Variants in CNNM2 observed in about 807,000 individuals in gnomAD.
CNNM2 encodes metal transporter CNNM2.
CNNM2 carries 12 observed loss-of-function variants against 66.9 expected under a neutral mutation model. The observed-to-expected ratio is 0.18, with a 90% CI of 0.11 to 0.29. The LOEUF (loss-of-function observed/expected upper bound fraction) is 0.29. CNNM2 is among the 10% of genes least tolerant of loss of function. CNNM2 has a pLI of 1.00. For synonymous variants in CNNM2, 557 were observed against 501.8 expected (o/e 1.11, Z -1.47); for missense variants, 705 against 1,167.7 (o/e 0.60, Z 5.77).
At chr10:103,060,111 T>C (rs2065359089) in intron 4 of CNNM2, among the ~76,000 whole-genome samples, 2 of 152,318 alleles carry the variant, frequency 1.3e-5, no homozygotes, top group South Asian at 4.1e-4. Context: ...TACTCCAGCC[T>C]GGGCGACAGA....
At position 102,927,483 on chromosome 10, in the gene CNNM2, G is replaced by A. The variant is rs1371726904; in HGVS notation, c.1621+7382G>A. The A allele has an allele frequency of 3.2e-6, 5 of 1,585,434 alleles. No individual in the cohort carries two copies. In the African/African-American group the frequency reaches 4.0e-5, roughly 13 times the overall value. On this transcript the variant is annotated intron_variant, in intron 1 of 7. Coordinates refer to ENST00000369878, the MANE Select transcript of CNNM2 (RefSeq NM_017649.5). Reference sequence around the variant, plus strand: ...GATAAAAAGGGGTGGCAGTTGGCTGGGCGTGGTGGCTCATGCCTGTAATCC... The same window carrying A: ...GATAAAAAGGGGTGGCAGTTGGCTGAGCGTGGTGGCTCATGCCTGTAATCC...
At chr10:103,013,896 T>C (rs1476354295) in intron 1 of CNNM2, among the ~76,000 whole-genome samples, 1 of 152,204 alleles carries the variant, frequency 6.6e-6, no homozygotes, top group African/African-American at 2.4e-5. Flanking sequence ...CTGTATTAAA[T>C]CTGTGTAATT....
At chr10:103,044,361 G>A (rs1224200535) in intron 1 of CNNM2, among the ~76,000 whole-genome samples, 1 of 152,042 alleles carries the variant, frequency 6.6e-6, no homozygotes, top group Non-Finnish European at 1.5e-5. Flanking sequence ...TTCCAGACCA[G>A]CCTGAGCAAT....
intron 1 of CNNM2, among the ~76,000 whole-genome samples, chr10:102,995,471 C>T (rs540018148): frequency 1.3e-5 from 2 of 151,784 alleles, no homozygotes; most frequent in Non-Finnish European, 2.9e-5. Flanking sequence ...CCTTGGCCTC[C>T]CAACGTGCTG....
rs1396009629 is a variant in CNNM2, at chr10:103,079,458, T to G, written c.*2278T>G. 6.6e-6 allele frequency: 1 copy of G among 152,268 alleles called. No homozygotes were observed. The highest frequency in any genetic ancestry group is 1.5e-5 in the Non-Finnish European group (1 of 68,078). The allele number at this position is 152,268 out of a possible 1,614,324, so 9.4% of individuals were successfully genotyped here. On this transcript the variant is annotated 3_prime_UTR_variant, in exon 8 of 8. Transcript: ENST00000369878. ...GATGCCTTGCTACTGGGAGAGCCTCTGGAATCAGAGCTAGTGTGTTGGTGC... is the reference window on the plus strand; with the variant it reads ...GATGCCTTGCTACTGGGAGAGCCTCGGGAATCAGAGCTAGTGTGTTGGTGC...
In CNNM2 at chr10:102,918,522, G is replaced by C; in HGVS notation, c.42G>C (p.Ala14=). The part of the protein sequence containing the change: ...CGACEPKVKM[A]GGQAAAALPT... ...CTTGTGAACCCAAAGTAAAGATGGC[G>C]GGCGGGCAGGCAGCCGCCGCACTGC... Residue 14 remains alanine, a synonymous_variant, in exon 1 of 8, where the codon GCG becomes GCC. Transcript: ENST00000369878. This position sits in a 1 kb window ranked among gnomAD's most constrained non-coding sequence, Gnocchi z 4.1. 4 of 1,605,008 alleles carry C rather than the reference G, an allele frequency of 2.5e-6. No homozygotes were observed. In the East Asian group the frequency reaches 9.1e-5, roughly 36 times the overall value.
At chr10:102,944,581 CGTGTGTGTGTGTGT>C (rs148795286) in intron 1 of CNNM2, among the ~76,000 whole-genome samples, 13 of 143,486 alleles carry the variant, frequency 9.1e-5, no homozygotes, top group Middle Eastern at 7.0e-3. Flanking sequence ...TGTATCTTTT[CGTGTGTGTGTGTGT>C]GTGTGTGTGT....
chr10:102,945,712 C>T (rs1846593793), intron 1 of CNNM2, among the ~76,000 whole-genome samples: 1 of 152,134 alleles, frequency 6.6e-6, no homozygotes, highest in Non-Finnish European at 1.5e-5. Flanking sequence ...GCTAGTTGCT[C>T]AGAGGAGGCC....
At position 103,032,604 on chromosome 10, in the gene CNNM2, T is replaced by C. The variant is rs540292972; in HGVS notation, c.1622-17103T>C. On this transcript the variant is annotated intron_variant, in intron 1 of 7. Coordinates refer to ENST00000369878, the MANE Select transcript of CNNM2 (RefSeq NM_017649.5). ...ACAATGAATACAAATGGGAACATAC[T>C]ATAATATTCTACATGACTTTTTTTT... is the stretch of plus-strand genomic sequence containing the variant. Among the ~76,000 whole-genome samples the C allele has an allele frequency of 8.6e-5, 13 of 151,858 alleles. No individual in the cohort carries two copies. The East Asian group carries it at 2.3e-3, about 27-fold the overall frequency.
intron 1 of CNNM2, among the ~76,000 whole-genome samples, chr10:103,034,958 G>C (rs1002505459): frequency 2.2e-4 from 19 of 86,960 alleles, no homozygotes; most frequent in Non-Finnish European, 4.9e-4. Context: ...GGGCGACAGA[G>C]CGAGACTCCG....
At chr10:103,048,886 T>A (rs578230051) in intron 1 of CNNM2, among the ~76,000 whole-genome samples, 1 of 152,244 alleles carries the variant, frequency 6.6e-6, no homozygotes, top group South Asian at 2.1e-4. Context: ...GACAGTGTCT[T>A]ACTCTGTCGC....
At chr10:103,072,484 C>T (rs542323697) in intron 6 of CNNM2, among the ~76,000 whole-genome samples, 6 of 149,094 alleles carry the variant, frequency 4.0e-5, no homozygotes, top group East Asian at 4.0e-4. Context: ...CGCTTCTCCC[C>T]GCCACCAGGC....
chr10:103,029,300 TAAAAAAA>T (rs756251100), intron 1 of CNNM2, among the ~76,000 whole-genome samples: 1 of 122,318 alleles, frequency 8.2e-6, no homozygotes, highest in African/African-American at 3.0e-5. Context: ...CATCTCTACT[TAAAAAAA>T]AAAAAAAAAA....
intron 1 of CNNM2, among the ~76,000 whole-genome samples, chr10:102,983,718 G>GT (rs2063753101): frequency 1.3e-5 from 2 of 151,844 alleles, no homozygotes; most frequent in African/African-American, 4.8e-5. Context: ...TGGGATTACA[G>GT]GCATGAGCCA....
chr10:103,016,602 C>T (rs1441661512), intron 1 of CNNM2, among the ~76,000 whole-genome samples: 2 of 152,172 alleles, frequency 1.3e-5, no homozygotes, highest in Non-Finnish European at 2.9e-5. Flanking sequence ...TATATGCTGC[C>T]ATGCCAAGCG....
intron 1 of CNNM2, among the ~76,000 whole-genome samples, chr10:103,037,594 T>C (rs561230203): frequency 1.3e-5 from 2 of 152,140 alleles, no homozygotes. Context: ...TAATGATGAC[T>C]TAGAGAAGAT....
chr10:103,068,781 T>A, intron 5 of CNNM2, 59 bp downstream of exon 5: 2 of 1,320,322 alleles, frequency 1.5e-6, no homozygotes, highest in South Asian at 2.7e-5. Flanking sequence ...AAGGCCCCTC[T>A]CCTTTCATCT....
chr10:102,984,479 T>C (rs965879935), intron 1 of CNNM2, among the ~76,000 whole-genome samples: 1 of 152,194 alleles, frequency 6.6e-6, no homozygotes, highest in African/African-American at 2.4e-5. Context: ...GGAATTTTAA[T>C]TTTTAAGTGA....
chr10:103,008,669 C>T (rs998121048), intron 1 of CNNM2, among the ~76,000 whole-genome samples: 1 of 151,288 alleles, frequency 6.6e-6, no homozygotes, highest in Non-Finnish European at 1.5e-5. Context: ...GTCCTAGCTA[C>T]CAGGGAGACT....
Sources: allele counts gnomAD v4.1 joint callset (sites outside exome capture counted in the v4.1 genomes callset), GRCh38; gene constraint gnomAD v4.1.1; non-coding constraint Gnocchi (gnomAD v3.1); transcripts MANE v1.5; gene names NCBI Gene and HGNC (gene_info 2026-07-23, HGNC 2026-07-21).